The following PKP4 variants were observed in gnomAD, a reference collection of about 807,000 sequenced individuals.
PKP4 encodes plakophilin 4.
PKP4 carries 90 observed loss-of-function variants against 145.1 expected under a neutral mutation model. That is an observed-to-expected ratio of 0.62 (90% CI 0.52 to 0.74). PKP4 has a LOEUF of 0.74. Among genes scored for constraint, PKP4 ranks in the 30% least tolerant of loss-of-function variants. The pLI is 0.00. For synonymous variants in PKP4, 563 were observed against 577.2 expected, an observed-to-expected ratio of 0.98 and a Z score of 0.35; for missense variants, 1,340 against 1,482.7, an observed-to-expected ratio of 0.90 and a Z score of 1.58.
intron 9 of PKP4, among the ~76,000 whole-genome samples, chr2:158,637,045 T>C (rs1558929952): frequency 6.6e-6 from 1 of 152,214 alleles, no homozygotes; most frequent in Non-Finnish European, 1.5e-5. Context: ...TTCTCATGTT[T>C]AGTCATTTTA....
At chr2:158,503,281 A>G (rs543686638) in intron 1 of PKP4, among the ~76,000 whole-genome samples, 1 of 152,224 alleles carries the variant, frequency 6.6e-6, no homozygotes. Flanking sequence ...CATTCAATCC[A>G]TATTTACTTG....
At chr2:158,615,427 A>G (rs1189650221) in intron 4 of PKP4, among the ~76,000 whole-genome samples, 1 of 151,990 alleles carries the variant, frequency 6.6e-6, no homozygotes, top group Non-Finnish European at 1.5e-5. Context: ...TTGTATTTAT[A>G]ATTCTTAGTT....
At chr2:158,672,948 G>A (rs1242016257) in intron 17 of PKP4, among the ~76,000 whole-genome samples, 1 of 152,102 alleles carries the variant, frequency 6.6e-6, no homozygotes, top group Non-Finnish European at 1.5e-5. Context: ...TTGTCCTTAG[G>A]GCTAACTCTG....
Position 158,666,492 on chromosome 2 carries a change from A to T in PKP4, c.2657A>T (p.Asp886Val). The T allele has an allele frequency of 6.2e-7, 1 of 1,613,832 alleles. No homozygotes were observed. The highest frequency in any genetic ancestry group is 8.5e-7 in the Non-Finnish European group (1 of 1,179,860). The change falls in exon 16 of 22, where the codon GAT becomes GTT. Residue 886 changes from aspartate to valine, a missense_variant. Transcript: ENST00000389759. ...ILVELLRMDN[D>V]RVVSSVATAL... ...GTGGAGCTTCTGAGAATGGATAACG[A>T]TAGAGTTGTTTCTTCCGTGGCAACA...
At chr2:158,545,469 T>C (rs2044933413) in intron 2 of PKP4, among the ~76,000 whole-genome samples, 1 of 152,188 alleles carries the variant, frequency 6.6e-6, no homozygotes, top group African/African-American at 2.4e-5. Flanking sequence ...TAATAAAATC[T>C]CATGAGCCTA....
At chr2:158,538,095 T>G (rs578095707) in intron 2 of PKP4, among the ~76,000 whole-genome samples, 1 of 152,254 alleles carries the variant, frequency 6.6e-6, no homozygotes, top group East Asian at 1.9e-4. Flanking sequence ...ACTGATTGAT[T>G]TGTCATTGAA....
chr2:158,674,558 GC>G (rs1251609532), intron 19 of PKP4, among the ~76,000 whole-genome samples: 2 of 152,210 alleles, frequency 1.3e-5, no homozygotes, highest in African/African-American at 4.8e-5. Context: ...GCTAATGGAA[GC>G]AGGCCTTACA....
chr2:158,508,366 C>CAAAAAAA (rs747754927), intron 1 of PKP4, among the ~76,000 whole-genome samples: 43 of 115,858 alleles, frequency 3.7e-4, no homozygotes, highest in South Asian at 5.1e-4. Flanking sequence ...AACTCCGTCT[C>CAAAAAAA]AAAAAAAAAA....
chr2:158,663,471 CTTCT>C, intron 15 of PKP4, 26 bp downstream of exon 15: 1 of 1,585,884 alleles, frequency 6.3e-7, no homozygotes, highest in South Asian at 1.1e-5. Context: ...CTTATCTACA[CTTCT>C]TTCCATCTTT....
intron 16 of PKP4, among the ~76,000 whole-genome samples, chr2:158,668,496 G>C (rs367871390): frequency 6.6e-6 from 1 of 152,210 alleles, no homozygotes; most frequent in Non-Finnish European, 1.5e-5. Context: ...CAAGTTCTGA[G>C]GGGACCGCCA....
chr2:158,560,436 A>G (rs2046423001), intron 2 of PKP4, among the ~76,000 whole-genome samples: 1 of 152,226 alleles, frequency 6.6e-6, no homozygotes, highest in Non-Finnish European at 1.5e-5. Context: ...ACAAAAAATG[A>G]CATTGAGAAC....
chr2:158,601,913 C>T lies in PKP4; in HGVS notation c.246-1157C>T, dbSNP rs372442172. On this transcript the variant is annotated intron_variant, in intron 3 of 21. Coordinates refer to ENST00000389759, the MANE Select transcript of PKP4 (RefSeq NM_003628.6). The stretch of plus-strand genomic sequence containing the variant: ...AGCACTAAAAGGACGGTTCTTCCCC[C>T]ACTCCAAGTGCTTTATTTGGCAGAA... 7.9e-5 allele frequency among the ~76,000 whole-genome samples: 12 copies of T among 152,230 alleles called. 1 individual carries two copies. In the South Asian group the frequency reaches 2.1e-3, roughly 26 times the overall value.
intron 7 of PKP4, among the ~76,000 whole-genome samples, chr2:158,629,612 C>G (rs550563210): frequency 6.6e-6 from 1 of 152,296 alleles, no homozygotes; most frequent in Admixed American, 6.5e-5. Context: ...CATGTGTTAA[C>G]TTTCTTGCCT....
At chr2:158,549,639 A>C (rs184737020) in intron 2 of PKP4, among the ~76,000 whole-genome samples, 233 of 152,212 alleles carry the variant, frequency 1.5e-3, no homozygotes, top group African/African-American at 5.5e-3. Flanking sequence ...ATAATATTTT[A>C]ATAAGCAGAG....
chr2:158,531,992 T>C (rs966096956), intron 1 of PKP4, among the ~76,000 whole-genome samples: 4 of 152,130 alleles, frequency 2.6e-5, no homozygotes, highest in Non-Finnish European at 4.4e-5. Context: ...CCACTAACAT[T>C]TAAGCCAGGA....
intron 20 of PKP4, among the ~76,000 whole-genome samples, chr2:158,678,271 C>G (rs1454116954): frequency 4.6e-5 from 7 of 152,228 alleles, no homozygotes; most frequent in Admixed American, 4.6e-4. Context: ...CTGGAGAAAC[C>G]CTCCCACATG....
chr2:158,634,156 AC>A lies in PKP4; in HGVS notation c.1431del (p.Tyr478ThrfsTer36). 6.2e-7 allele frequency: 1 copy of A among 1,613,986 alleles called. No individual in the cohort carries two copies. Among genetic ancestry groups the A allele is most frequent in the Non-Finnish European group, 8.5e-7 (1 of 1,179,856 alleles). ...RNNYALNTTATYAEPYRPIQY... is the reference protein window; with the variant it reads ...RNNYALNTTAXYAEPYRPIQY... ...TAATTATGCTCTGAACACAACAGCT[AC>A]CTACGCGGAGCCCTACAGGCCTATA... On this transcript the variant is annotated frameshift_variant, in exon 9 of 22. Transcript: ENST00000389759. LOFTEE classifies it high-confidence loss of function.
intron 10 of PKP4, among the ~76,000 whole-genome samples, chr2:158,641,874 A>G (rs2054314607): frequency 6.6e-6 from 1 of 152,244 alleles, no homozygotes; most frequent in Non-Finnish European, 1.5e-5. Context: ...CTGGAGTGAA[A>G]GCACAATTCT....
chr2:158,672,109 G>C (rs369341054), intron 17 of PKP4, among the ~76,000 whole-genome samples: 1 of 152,218 alleles, frequency 6.6e-6, no homozygotes, highest in Non-Finnish European at 1.5e-5. Context: ...GCAGGGCACC[G>C]CATCCCCTCT....
Sources: allele counts gnomAD v4.1 joint callset (sites outside exome capture counted in the v4.1 genomes callset), GRCh38; gene constraint gnomAD v4.1.1; transcripts MANE v1.5; gene names NCBI Gene and HGNC (gene_info 2026-07-23, HGNC 2026-07-21).